COL4A3: variants seen among roughly 807,000 people sequenced by gnomAD.
COL4A3 encodes the protein collagen type IV alpha 3 chain, also known as collagen alpha-3(IV) chain.
Under a neutral mutation model 217.4 loss-of-function variants are expected in COL4A3, and 135 were observed. That is an observed-to-expected ratio of 0.62 (90% CI 0.54 to 0.72). COL4A3 has a LOEUF of 0.72. COL4A3 is among the 30% of genes least tolerant of loss of function. COL4A3 has a pLI of 0.00. For missense variants in COL4A3, 1,868 were observed against 2,119.9 expected, an observed-to-expected ratio of 0.88 and a Z score of 2.33; for synonymous variants, 690 against 736.3, an observed-to-expected ratio of 0.94 and a Z score of 1.02.
intron 3 of COL4A3, 127 bp downstream of exon 3, chr2:227,240,359 T>C (rs2125892255): frequency 1.1e-6 from 1 of 872,908 alleles, no homozygotes; most frequent in South Asian, 1.5e-5. Flanking sequence ...GGTGAACTCC[T>C]GGTTTCCGGT....
chr2:227,207,700 G>C (rs72975984), intron 1 of COL4A3, among the ~76,000 whole-genome samples: 8,439 of 152,248 alleles, frequency 0.055, 248 homozygotes, highest in Middle Eastern at 0.071. Flanking sequence ...GGCAGAAATA[G>C]GTTGTAAATG....
intron 25 of COL4A3, among the ~76,000 whole-genome samples, chr2:227,271,971 C>A (rs1307303339): frequency 1.3e-5 from 2 of 152,316 alleles, no homozygotes; most frequent in South Asian, 4.1e-4. Context: ...TTTAAAGATT[C>A]ATTTACAGAC....
chr2:227,204,528 A>G (rs2067026731), intron 1 of COL4A3, among the ~76,000 whole-genome samples: 1 of 152,226 alleles, frequency 6.6e-6, no homozygotes, highest in African/African-American at 2.4e-5. Flanking sequence ...GGACCCGTGC[A>G]AATGATGGCT....
At position 227,294,529 on chromosome 2, in the gene COL4A3, T is replaced by C. The variant is rs756086396; in HGVS notation, c.3377T>C (p.Ile1126Thr). Residue 1126 changes from isoleucine to threonine, a missense_variant, in exon 39 of 52, where the codon ATC becomes ACC. Ile to Thr is a moderately conservative substitution (Grantham distance 89). This residue lies in a region of COL4A3 where 1,503 missense variants were observed against 1,786.1 expected (regional missense o/e 0.84). Transcript: ENST00000396578. ...GPHGDLGFKG[I>T]KGLLGPPGIR... ...CATGGTGATTTGGGTTTTAAAGGAA[T>C]CAAAGGCCTCCTGGGCCCTCCAGGA... 38 of 1,613,846 alleles carry C rather than the reference T, an allele frequency of 2.4e-5. No homozygotes were observed. The highest frequency in any genetic ancestry group is 3.0e-5 in the Non-Finnish European group (35 of 1,179,832).
chr2:227,164,712 G>C lies in COL4A3; in HGVS notation c.-15G>C. 6.5e-7 allele frequency: 1 copy of C among 1,530,580 alleles called. No homozygotes were observed. The highest frequency in any genetic ancestry group is 8.7e-7 in the Non-Finnish European group (1 of 1,145,234). The allele number at this position is 1,530,580 out of a possible 1,614,324, so 94.8% of individuals were successfully genotyped here. A position where few individuals can be genotyped will look rare whatever the true frequency, so the allele number is the denominator to read the frequency against. ...GGGTCCCCGGACTCGCCCAGGCTCTGAGCGCGCGCCCACCATGAGCGCCCG... is the reference window on the plus strand; with the variant it reads ...GGGTCCCCGGACTCGCCCAGGCTCTCAGCGCGCGCCCACCATGAGCGCCCG... On this transcript the variant is annotated 5_prime_UTR_variant, in exon 1 of 52. Transcript: ENST00000396578. This position sits in a 1 kb window ranked among gnomAD's most constrained non-coding sequence, Gnocchi z 4.8.
At chr2:227,195,256 C>T (rs1437656178) in intron 1 of COL4A3, among the ~76,000 whole-genome samples, 1 of 146,246 alleles carries the variant, frequency 6.8e-6, no homozygotes, top group Non-Finnish European at 1.5e-5. Context: ...AATCCCAAAT[C>T]ACGTAAAATC....
At chr2:227,303,770 T>G (rs780580146) in intron 44 of COL4A3, 89 bp from the exon 45 acceptor site, 7 of 1,235,928 alleles carry the variant, frequency 5.7e-6, no homozygotes, top group Non-Finnish European at 7.1e-6. Flanking sequence ...ACACTTCTAG[T>G]ATTTGTCCTT....
intron 13 of COL4A3, 96 bp from the exon 14 acceptor site, chr2:227,254,016 C>T (rs1574701133): frequency 1.2e-5 from 14 of 1,152,244 alleles, no homozygotes; most frequent in Non-Finnish European, 1.8e-5. Flanking sequence ...GTTTGTAAAC[C>T]CAGTTTATTG....
In COL4A3 at chr2:227,167,123, G is replaced by A. The variant is rs140971994; in HGVS notation, c.87+2310G>A. Among the ~76,000 whole-genome samples, 887 of 152,208 alleles carry A rather than the reference G, an allele frequency of 5.8e-3. 14 individuals are homozygous for A. Among genetic ancestry groups the A allele is most frequent in the African/African-American group, 0.019 (791 of 41,530 alleles). ...CAAAACTTTACAAAAACATAGTGTG[G>A]GCCAAACAATGTATAAGTGAGAGCT... On this transcript the variant is annotated intron_variant, in intron 1 of 51. Transcript: ENST00000396578.
Position 227,304,922 on chromosome 2 carries a change from G to A in COL4A3, c.4154-63G>A, listed in dbSNP as rs2073440238. 2.2e-6 allele frequency: 3 copies of A among 1,356,678 alleles called. No homozygotes were observed. The South Asian group carries it at 3.7e-5, about 17-fold the overall frequency. The allele number at this position is 1,356,678 out of a possible 1,614,324, so 84.0% of individuals were successfully genotyped here. A position where few individuals can be genotyped will look rare whatever the true frequency, so the allele number is the denominator to read the frequency against. On this transcript the variant is annotated intron_variant, in intron 46 of 51. Transcript: ENST00000396578. ...TGAGAAAGTCCTGGGTTAACGGGAT[G>A]GTTGGCCACCTTACTTTTCATCCTA... is the stretch of plus-strand genomic sequence containing the variant.
chr2:227,176,891 C>T (rs79798012), intron 1 of COL4A3, among the ~76,000 whole-genome samples: 9,064 of 151,966 alleles, frequency 0.06, 323 homozygotes, highest in Admixed American at 0.089. Context: ...ATGCTGTTTG[C>T]TTATGCTGAT....
chr2:227,205,055 C>T (rs1451906043), intron 1 of COL4A3, among the ~76,000 whole-genome samples: 1 of 152,054 alleles, frequency 6.6e-6, no homozygotes, highest in Admixed American at 6.6e-5. Flanking sequence ...AAATAAGGAG[C>T]AGAAGTTTAT....
Position 227,282,334 on chromosome 2 carries a change from T to C in COL4A3, c.2489-31T>C, listed in dbSNP as rs1330104378. On this transcript the variant is annotated intron_variant, in intron 31 of 51. Coordinates refer to ENST00000396578, the MANE Select transcript of COL4A3 (RefSeq NM_000091.5). This position sits in a 1 kb window ranked among gnomAD's most constrained non-coding sequence, Gnocchi z 4.4. ...GTTAGTAGGGGAAAGCATTTGTGGGTTAATTAATTCATTCATTTATTCGTA... is the reference window on the plus strand; with the variant it reads ...GTTAGTAGGGGAAAGCATTTGTGGGCTAATTAATTCATTCATTTATTCGTA... The C allele has an allele frequency of 1.3e-6, 2 of 1,571,728 alleles. No homozygotes were observed. The highest frequency in any genetic ancestry group is 1.7e-6 in the Non-Finnish European group (2 of 1,146,574).
At chr2:227,170,294 G>T (rs1217503605) in intron 1 of COL4A3, among the ~76,000 whole-genome samples, 3 of 151,898 alleles carry the variant, frequency 2.0e-5, no homozygotes, top group African/African-American at 7.3e-5. Context: ...TAATCTTTAT[G>T]CCTTTTTTCC....
Position 227,251,172 on chromosome 2 carries a change from T to C in COL4A3, c.579T>C (p.Pro193=), listed in dbSNP as rs1170005088. 2 of 1,613,870 alleles carry C rather than the reference T, an allele frequency of 1.2e-6. No individual in the cohort carries two copies. The highest frequency in any genetic ancestry group is 1.1e-5 in the South Asian group (1 of 91,066). The part of the protein sequence containing the change: ...GLPGPPGFPG[P]VGPPGPPGFF... ...CAGGCCCTCCAGGTTTTCCTGGGCC[T>C]GTTGGCCCACCTGGTCCTCCGGGAT... Residue 193 remains proline, a synonymous_variant, in exon 10 of 52, where the codon CCT becomes CCC. Transcript: ENST00000396578.
intron 1 of COL4A3, chr2:227,221,369 C>T (rs572364722): frequency 4.9e-4 from 74 of 152,284 alleles, no homozygotes; most frequent in African/African-American, 1.6e-3. Context: ...TCTCTGTGCT[C>T]CTGGAGTCTC....
intron 34 of COL4A3, among the ~76,000 whole-genome samples, chr2:227,286,734 T>C (rs1194947396): frequency 6.6e-6 from 1 of 152,198 alleles, no homozygotes; most frequent in African/African-American, 2.4e-5. Flanking sequence ...AGGACTTAAA[T>C]GTTGAATAAG....
At chr2:227,252,208 CT>C (rs954438049) in intron 11 of COL4A3, among the ~76,000 whole-genome samples, 12 of 126,498 alleles carry the variant, frequency 9.5e-5, no homozygotes, top group African/African-American at 3.5e-4. Flanking sequence ...TTTATTCTTT[CT>C]TTCTTTTTTT....
At chr2:227,183,465 C>T (rs1380512563) in intron 1 of COL4A3, among the ~76,000 whole-genome samples, 1 of 152,094 alleles carries the variant, frequency 6.6e-6, no homozygotes, top group African/African-American at 2.4e-5. Flanking sequence ...TGGATGGAAA[C>T]GAGGAAAATA....
Sources: allele counts gnomAD v4.1 joint callset (sites outside exome capture counted in the v4.1 genomes callset), GRCh38; gene constraint gnomAD v4.1.1; regional missense constraint gnomAD v4.1.1; non-coding constraint Gnocchi (gnomAD v3.1); transcripts MANE v1.5; gene names NCBI Gene and HGNC (gene_info 2026-07-23, HGNC 2026-07-21).